Variants in CGN observed in about 807,000 individuals in gnomAD.
CGN encodes cingulin.
CGN carries 121 observed loss-of-function variants against 157.1 expected under a neutral mutation model. The observed-to-expected ratio is 0.77, with a 90% CI of 0.66 to 0.90. CGN has a LOEUF of 0.90. CGN is among the 40% of genes least tolerant of loss of function. The probability of loss-of-function intolerance (pLI) is 0.00; values close to 1 mark genes in which losing one functional copy is unlikely to be tolerated. For synonymous variants in CGN, 535 were observed against 607.5 expected, an observed-to-expected ratio of 0.88 and a Z score of 1.76; for missense variants, 1,424 against 1,520.9, an observed-to-expected ratio of 0.94 and a Z score of 1.06.
At position 151,537,964 on chromosome 1, in the gene CGN, G is replaced by A. The variant is rs1421012904; in HGVS notation, c.*618G>A. 1 of 152,686 alleles carries A rather than the reference G, an allele frequency of 6.5e-6. No individual in the cohort carries two copies. Among genetic ancestry groups the A allele is most frequent in the Non-Finnish European group, 1.5e-5 (1 of 68,082 alleles). The allele number at this position is 152,686 out of a possible 1,614,324, so 9.5% of individuals were successfully genotyped here. ...CCTGTCAGTGCCTTAGCCAAGGCAAGGAGATAAGGATGCTCTTCTTGCTTT... is the reference window on the plus strand; with the variant it reads ...CCTGTCAGTGCCTTAGCCAAGGCAAAGAGATAAGGATGCTCTTCTTGCTTT... On this transcript the variant is annotated 3_prime_UTR_variant, in exon 21 of 21. Coordinates refer to ENST00000271636, the MANE Select transcript of CGN (RefSeq NM_020770.3).
At position 151,524,605 on chromosome 1, in the gene CGN, C is replaced by A; in HGVS notation, c.1402-69C>A. 1 of 1,377,410 alleles carries A rather than the reference C, an allele frequency of 7.3e-7. No homozygotes were observed. Among genetic ancestry groups the A allele is most frequent in the Non-Finnish European group, 1.0e-6 (1 of 1,000,494 alleles). 85.3% of individuals were successfully genotyped at this position (1,377,410 alleles called of 1,614,324 possible). On this transcript the variant is annotated intron_variant, in intron 7 of 20. Coordinates refer to ENST00000271636, the MANE Select transcript of CGN (RefSeq NM_020770.3). This position sits in a 1 kb window ranked among gnomAD's most constrained non-coding sequence, Gnocchi z 4.4. ...GCCTAATACGATAAATATTTTTTGACTCAGTGAATTGATAAACAGATGGAT... is the reference window on the plus strand; with the variant it reads ...GCCTAATACGATAAATATTTTTTGAATCAGTGAATTGATAAACAGATGGAT...
intron 9 of CGN, among the ~76,000 whole-genome samples, chr1:151,526,343 T>A (rs796961975): frequency 9.3e-5 from 14 of 150,630 alleles, no homozygotes; most frequent in African/African-American, 3.4e-4. Flanking sequence ...TAGGCCTGGG[T>A]TTTTTGTATT....
intron 1 of CGN, among the ~76,000 whole-genome samples, chr1:151,513,962 A>T (rs568926050): frequency 7.2e-4 from 110 of 152,340 alleles, no homozygotes; most frequent in African/African-American, 2.6e-3. Flanking sequence ...CCTGGACTCC[A>T]TGTTGCCTGG....
At position 151,519,135 on chromosome 1, in the gene CGN, C is replaced by G. The variant is rs559686107; in HGVS notation, c.616C>G (p.Pro206Ala). ...RTGRRTRMLP[P>A]EQRKRSKSLD... Reference sequence around the variant, plus strand: ...TGGCCGCCGAACACGGATGCTACCCCCTGAACAGCGCAAACGGAGCAAGAG... The same window carrying G: ...TGGCCGCCGAACACGGATGCTACCCGCTGAACAGCGCAAACGGAGCAAGAG... The change falls in exon 2 of 21, where the codon CCT becomes GCT. Residue 206 changes from proline (P) to alanine (A), a missense_variant. Physicochemically the swap from Pro to Ala is conservative, Grantham distance 27 (BLOSUM62 -1). This residue lies in a region of CGN where 1,187 missense variants were observed against 1,217.6 expected (regional missense o/e 0.97). Coordinates refer to ENST00000271636, the MANE Select transcript of CGN (RefSeq NM_020770.3). The G allele has an allele frequency of 3.1e-6, 5 of 1,614,110 alleles. No individual in the cohort carries two copies. Among genetic ancestry groups the G allele is most frequent in the East Asian group, 2.2e-5 (1 of 44,894 alleles).
chr1:151,534,224 T>G (rs1212279960), intron 15 of CGN, 88 bp downstream of exon 15: 2 of 1,256,678 alleles, frequency 1.6e-6, no homozygotes, highest in Non-Finnish European at 2.2e-6. Flanking sequence ...CAGCCCACAG[T>G]TGATGAGTTT....
At chr1:151,533,169 G>T (rs546090147) in intron 14 of CGN, among the ~76,000 whole-genome samples, 1 of 152,332 alleles carries the variant, frequency 6.6e-6, no homozygotes, top group African/African-American at 2.4e-5. Context: ...ATTCCAAGTT[G>T]TGTAGAGACT....
Position 151,523,074 on chromosome 1 carries a change from G to A in CGN, c.1141-360G>A, listed in dbSNP as rs1664578579. Reference sequence around the variant, plus strand: ...ATAACAGCTATTTTTTTCCCAGAGTGAGGGATCCAAGAGAAAAGCTGCAAT... The same window carrying A: ...ATAACAGCTATTTTTTTCCCAGAGTAAGGGATCCAAGAGAAAAGCTGCAAT... On this transcript the variant is annotated intron_variant, in intron 5 of 20. Coordinates refer to ENST00000271636, the MANE Select transcript of CGN (RefSeq NM_020770.3). Among the ~76,000 whole-genome samples the A allele has an allele frequency of 2.6e-5, 4 of 152,246 alleles. No homozygotes were observed. The South Asian group carries it at 8.3e-4, about 32-fold the overall frequency.
intron 5 of CGN, 50 bp downstream of exon 5, chr1:151,520,741 G>C (rs182897647): frequency 8.9e-5 from 133 of 1,502,792 alleles, no homozygotes; most frequent in Non-Finnish European, 1.2e-4. Flanking sequence ...CAGGGAAAAA[G>C]CCTTGGCCTG....
chr1:151,523,837 G>C (rs1664600303), intron 6 of CGN, among the ~76,000 whole-genome samples: 1 of 152,112 alleles, frequency 6.6e-6, no homozygotes, highest in Admixed American at 6.6e-5. Flanking sequence ...TACCTCACAG[G>C]ATCATTGTAA....
At position 151,518,620 on chromosome 1, in the gene CGN, C is replaced by G. The variant is rs764771682; in HGVS notation, c.101C>G (p.Thr34Ser). The G allele has an allele frequency of 3.7e-6, 6 of 1,614,152 alleles. No individual in the cohort carries two copies. The highest frequency in any genetic ancestry group is 5.1e-6 in the Non-Finnish European group (6 of 1,180,028). The stretch of plus-strand genomic sequence containing the variant: ...CCAGTGAGTGGTGCAGAGATGGGCA[C>G]TCTACGTCGAGGTGGACGACGCCCA... ...TEPVSGAEMG[T>S]LRRGGRRPAK... The change falls in exon 2 of 21, where the codon ACT (threonine) becomes AGT (serine). Residue 34 changes from threonine to serine, a missense_variant. Thr to Ser is a moderately conservative substitution (Grantham distance 58). This residue lies in a region of CGN where 1,187 missense variants were observed against 1,217.6 expected (regional missense o/e 0.97). Coordinates refer to ENST00000271636, the MANE Select transcript of CGN (RefSeq NM_020770.3).
At chr1:151,519,740 C>G (rs1465353391) in intron 2 of CGN, among the ~76,000 whole-genome samples, 1 of 152,186 alleles carries the variant, frequency 6.6e-6, no homozygotes, top group African/African-American at 2.4e-5. Flanking sequence ...TTCCTTGGTG[C>G]TCTTGCCAAA....
intron 2 of CGN, 76 bp downstream of exon 2, chr1:151,519,468 G>T: frequency 7.5e-7 from 1 of 1,331,064 alleles, no homozygotes. Flanking sequence ...CACCAGCCAT[G>T]AGCCTCCTTG....
At chr1:151,530,372 T>A in intron 12 of CGN, 117 bp from the exon 13 acceptor site, 1 of 1,296,588 alleles carries the variant, frequency 7.7e-7, no homozygotes, top group South Asian at 1.4e-5. Flanking sequence ...GGAGCCTGTT[T>A]TCATTGCACA....
At chr1:151,523,374 G>A in intron 5 of CGN, 60 bp from the exon 6 acceptor site, 1 of 1,507,386 alleles carries the variant, frequency 6.6e-7, no homozygotes, top group Admixed American at 2.1e-5. Context: ...CCATTATTCT[G>A]AGTCTTTCTG....
chr1:151,510,308 TC>T (rs1314320117), upstream of CGN, among the ~76,000 whole-genome samples: 7 of 152,176 alleles, frequency 4.6e-5, no homozygotes, highest in African/African-American at 1.7e-4. Flanking sequence ...CCTCTTCTAC[TC>T]CAATAGATAC....
At chr1:151,536,654 A>C in intron 19 of CGN, 76 bp from the exon 20 acceptor site, 1 of 1,481,962 alleles carries the variant, frequency 6.7e-7, no homozygotes. Context: ...ATACCTTGTC[A>C]AGATTGTTAT....
Position 151,538,328 on chromosome 1 carries a change from C to T in CGN, c.*982C>T, listed in dbSNP as rs1433106445. The T allele has an allele frequency of 1.3e-5, 2 of 152,198 alleles. No individual in the cohort carries two copies. The highest frequency in any genetic ancestry group is 2.9e-5 in the Non-Finnish European group (2 of 68,034). The allele number at this position is 152,198 out of a possible 1,614,324, so 9.4% of individuals were successfully genotyped here. On this transcript the variant is annotated 3_prime_UTR_variant, in exon 21 of 21. Transcript: ENST00000271636. ...TTCTCTGACCACATGTGCCCAACTT[C>T]AATAAGAGAACCAAGGGACCCTCAT...
chr1:151,531,384 CT>C (rs1366593710), intron 13 of CGN, among the ~76,000 whole-genome samples: 1 of 152,224 alleles, frequency 6.6e-6, no homozygotes, highest in African/African-American at 2.4e-5. Flanking sequence ...CATAATAAGA[CT>C]CTGTCTCTAC....
intron 13 of CGN, among the ~76,000 whole-genome samples, chr1:151,531,932 T>TTG (rs1397233783): frequency 1.4e-4 from 22 of 152,262 alleles, no homozygotes; most frequent in Admixed American, 2.6e-4. Context: ...ATTTTATCAT[T>TTG]TCTGAAATAG....
Sources: allele counts gnomAD v4.1 joint callset (sites outside exome capture counted in the v4.1 genomes callset), GRCh38; gene constraint gnomAD v4.1.1; regional missense constraint gnomAD v4.1.1; non-coding constraint Gnocchi (gnomAD v3.1); transcripts MANE v1.5; gene names NCBI Gene and HGNC (gene_info 2026-07-23, HGNC 2026-07-21).